TGM4: variants seen among roughly 807,000 people sequenced by gnomAD.
TGM4 encodes protein-glutamine gamma-glutamyltransferase 4.
TGM4 carries 61 observed loss-of-function variants against 76.3 expected under a neutral mutation model. That is an observed-to-expected ratio of 0.80 (90% confidence interval 0.65 to 0.99). The LOEUF is 0.99. Among genes scored for constraint, TGM4 ranks in the 50% least tolerant of loss-of-function variants. The pLI is 0.00. For missense variants in TGM4, 794 were observed against 843.2 expected (o/e 0.94, Z 0.72); for synonymous variants, 337 against 329.8 (o/e 1.02, Z -0.24).
At chr3:44,879,772 C>G (rs1300538068) in intron 1 of TGM4, among the ~76,000 whole-genome samples, 1 of 151,878 alleles carries the variant, frequency 6.6e-6, no homozygotes, top group East Asian at 1.9e-4. Context: ...GCCACTGTGC[C>G]CGGCCCTATA....
intron 6 of TGM4, among the ~76,000 whole-genome samples, 189 bp downstream of exon 6, chr3:44,897,005 T>C (rs868102920): frequency 9.1e-4 from 132 of 144,896 alleles, no homozygotes; most frequent in Non-Finnish European, 1.3e-3. Context: ...CTTTTCTTTT[T>C]TTTTTTTTTT....
chr3:44,892,174 C>T (rs1699709099), intron 4 of TGM4, among the ~76,000 whole-genome samples: 1 of 151,390 alleles, frequency 6.6e-6, no homozygotes, highest in Non-Finnish European at 1.5e-5. Flanking sequence ...AGGAGAATCG[C>T]TTGAACCTGG....
At chr3:44,909,192 T>G (rs1322774763) in intron 10 of TGM4, among the ~76,000 whole-genome samples, 1 of 152,240 alleles carries the variant, frequency 6.6e-6, no homozygotes, top group African/African-American at 2.4e-5. Flanking sequence ...ATTTCAATGC[T>G]CTGGCAGGCA....
chr3:44,912,418 T>C (rs1700017205), intron 13 of TGM4, among the ~76,000 whole-genome samples: 1 of 152,150 alleles, frequency 6.6e-6, no homozygotes, highest in Non-Finnish European at 1.5e-5. Context: ...TCAATTCCCA[T>C]ATATATCTGG....
At position 44,913,790 on chromosome 3, in the gene TGM4, A is replaced by G; in HGVS notation, c.*65A>G. ...ATTTCCTACCTTGTGCTTAGCTTTCAGATTATGGATGATTAAATTTGATGA... is the reference window on the plus strand; with the variant it reads ...ATTTCCTACCTTGTGCTTAGCTTTCGGATTATGGATGATTAAATTTGATGA... On this transcript the variant is annotated 3_prime_UTR_variant, in exon 14 of 14. Transcript: ENST00000296125. 1.9e-6 allele frequency: 3 copies of G among 1,550,802 alleles called. No homozygotes were observed. The highest frequency in any genetic ancestry group is 2.6e-6 in the Non-Finnish European group (3 of 1,152,720).
rs374340999 is a variant in TGM4 at position 44,913,728 on chromosome 3, T to C, written c.*3T>C. The C allele has an allele frequency of 3.7e-6, 6 of 1,612,310 alleles. No homozygotes were observed. The African/African-American group carries it at 6.7e-5, about 18-fold the overall frequency. ...AGATTGTTCTCATCACCAAGTAGCC[T>C]TGTCTGATGCTGTGGAGCCTTAGTT... On this transcript the variant is annotated 3_prime_UTR_variant, in exon 14 of 14. Coordinates refer to ENST00000296125, the MANE Select transcript of TGM4 (RefSeq NM_003241.4).
chr3:44,889,367 C>T (rs1197395596), intron 3 of TGM4, among the ~76,000 whole-genome samples: 1 of 151,804 alleles, frequency 6.6e-6, no homozygotes, highest in Admixed American at 6.6e-5. Flanking sequence ...ATCTTGCAGC[C>T]TCAAATGTGG....
rs59154155 is a variant in TGM4, at chr3:44,897,000, C to CTTTTTTT, written c.657+199_657+205dup. Among the ~76,000 whole-genome samples the CTTTTTTT allele has an allele frequency of 8.6e-5, 9 of 104,400 alleles. 1 individual carries two copies. Among genetic ancestry groups the CTTTTTTT allele is most frequent in the Admixed American group, 1.0e-4 (1 of 9,658 alleles). 68.5% of individuals were successfully genotyped at this position (104,400 alleles called of 152,430 possible). A position where few individuals can be genotyped will look rare whatever the true frequency, so the allele number is the denominator to read the frequency against. ...CTGTTCTGAGCGCAGGTTTTCTTTT[C>CTTTTTTT]TTTTTTTTTTTTTTTTTTTTTGAGA... On this transcript the variant is annotated intron_variant, in intron 6 of 13. Coordinates refer to ENST00000296125, the MANE Select transcript of TGM4 (RefSeq NM_003241.4).
chr3:44,891,407 T>C (rs1216367540), intron 4 of TGM4, among the ~76,000 whole-genome samples: 1 of 150,796 alleles, frequency 6.6e-6, no homozygotes, highest in Non-Finnish European at 1.5e-5. Flanking sequence ...CACAGAAAAG[T>C]GGCAAAAATG....
At chr3:44,906,077 C>G (rs776735850) in intron 9 of TGM4, among the ~76,000 whole-genome samples, 4 of 152,134 alleles carry the variant, frequency 2.6e-5, no homozygotes, top group African/African-American at 9.7e-5. Flanking sequence ...GTGGGGATGC[C>G]CAGGTTCAGT....
chr3:44,878,246 GAA>G (rs1040760775), intron 1 of TGM4, among the ~76,000 whole-genome samples: 14 of 151,056 alleles, frequency 9.3e-5, no homozygotes, highest in Admixed American at 3.3e-4. Flanking sequence ...GAGAGAGGGA[GAA>G]AAAGAGAGAG....
chr3:44,879,265 C>CTCTCTCTCTCTATATATA (rs1482970491), intron 1 of TGM4, among the ~76,000 whole-genome samples: 5 of 92,292 alleles, frequency 5.4e-5, no homozygotes, highest in African/African-American at 2.2e-4. Flanking sequence ...CTCTCTCTCT[C>CTCTCTCTCTCTATATATA]TATATATATA....
At chr3:44,888,974 TGAC>T (rs764830737) in intron 3 of TGM4, 2 of 151,942 alleles carry the variant, frequency 1.3e-5, no homozygotes, top group Non-Finnish European at 2.9e-5. Flanking sequence ...AGCAAAATAA[TGAC>T]AATTAAACAT....
chr3:44,902,001 A>G, intron 8 of TGM4, 70 bp downstream of exon 8: 1 of 1,559,872 alleles, frequency 6.4e-7, no homozygotes, highest in South Asian at 1.2e-5. Flanking sequence ...TTTTAGAAAC[A>G]GGGTCTCTCG....
intron 5 of TGM4, 64 bp from the exon 6 acceptor site, chr3:44,896,645 T>C: frequency 1.4e-6 from 2 of 1,464,510 alleles, no homozygotes; most frequent in Non-Finnish European, 1.9e-6. Flanking sequence ...AATTAGATGG[T>C]ATGTGTTAAG....
At chr3:44,902,003 G>T (rs529714928) in intron 8 of TGM4, 72 bp downstream of exon 8, 3 of 1,553,562 alleles carry the variant, frequency 1.9e-6, no homozygotes, top group Non-Finnish European at 2.6e-6. Context: ...TTAGAAACAG[G>T]GTCTCTCGCT....
chr3:44,879,257 C>A (rs1464366900), intron 1 of TGM4, among the ~76,000 whole-genome samples: 52 of 100,446 alleles, frequency 5.2e-4, no homozygotes, highest in South Asian at 3.1e-3. Context: ...CTCTCTCTCT[C>A]TCTCTCTCTA....
At chr3:44,879,970 T>A (rs1408942585) in intron 1 of TGM4, among the ~76,000 whole-genome samples, 3 of 151,902 alleles carry the variant, frequency 2.0e-5, no homozygotes, top group Non-Finnish European at 4.4e-5. Context: ...GTTAATTAAA[T>A]AATTTTTTTT....
chr3:44,910,342 A>G lies in TGM4; in HGVS notation c.1580A>G (p.Asn527Ser), dbSNP rs778158692. ...GKKMAKLCDL[N>S]KTSQIQGQVS... is the part of the protein sequence containing the mutation. ...AAGATGGCAAAACTGTGTGACCTCA[A>G]TAAGACCTCGCAGATCCAAGGTCAA... The change falls in exon 11 of 14, where the codon AAT becomes AGT. Residue 527 changes from asparagine (N) to serine (S), a missense_variant. By Grantham distance (46) the Asn-to-Ser change is conservative. Coordinates refer to ENST00000296125, the MANE Select transcript of TGM4 (RefSeq NM_003241.4). 4.3e-6 allele frequency: 7 copies of G among 1,614,014 alleles called. No individual in the cohort carries two copies. The highest frequency in any genetic ancestry group is 3.3e-5 in the Admixed American group (2 of 60,028).
Sources: allele counts gnomAD v4.1 joint callset (sites outside exome capture counted in the v4.1 genomes callset), GRCh38; gene constraint gnomAD v4.1.1; transcripts MANE v1.5; gene names NCBI Gene and HGNC (gene_info 2026-07-23, HGNC 2026-07-21).